The following CALN1 variants were observed in gnomAD, a reference collection of about 807,000 sequenced individuals.
CALN1 encodes calcium-binding protein 8.
Under a neutral mutation model 30.6 loss-of-function variants are expected in CALN1, and 17 were observed. The observed-to-expected ratio is 0.56, with a 90% CI of 0.38 to 0.83. CALN1 has a LOEUF of 0.83. Among genes scored for constraint, CALN1 ranks in the 40% least tolerant of loss-of-function variants. The pLI, the probability that CALN1 is intolerant of heterozygous loss-of-function variation, is 0.00. For synonymous variants in CALN1, 156 were observed against 131.4 expected (o/e 1.19, Z -1.28); for missense variants, 291 against 354.9 (o/e 0.82, Z 1.45).
chr7:71,976,676 A>G (rs970738882), intron 5 of CALN1, among the ~76,000 whole-genome samples: 3 of 152,228 alleles, frequency 2.0e-5, no homozygotes. Context: ...AAAGAGTTAA[A>G]AGAAACCAAA....
chr7:71,959,622 C>CT (rs11289767), intron 5 of CALN1, among the ~76,000 whole-genome samples: 5,621 of 144,354 alleles, frequency 0.039, 163 homozygotes, highest in African/African-American at 0.081. Flanking sequence ...ACCTTTCCAG[C>CT]TTTTTTTTTT....
At chr7:71,878,519 AACAT>A (rs1792382342) in intron 5 of CALN1, among the ~76,000 whole-genome samples, 1 of 152,138 alleles carries the variant, frequency 6.6e-6, no homozygotes, top group African/African-American at 2.4e-5. Flanking sequence ...CTTAAGAGGG[AACAT>A]CAGACCAGAC....
chr7:71,955,777 G>C (rs1394912240), intron 5 of CALN1, among the ~76,000 whole-genome samples: 1 of 151,952 alleles, frequency 6.6e-6, no homozygotes, highest in African/African-American at 2.4e-5. Flanking sequence ...AACATGACCT[G>C]ACTATGATGC....
At chr7:72,057,481 G>A (rs1803341172) in intron 4 of CALN1, among the ~76,000 whole-genome samples, 1 of 138,118 alleles carries the variant, frequency 7.2e-6, no homozygotes, top group Non-Finnish European at 1.5e-5. Flanking sequence ...GCATCATGCT[G>A]TTTATCATAA....
At chr7:72,410,893 C>G (rs1251540166) in intron 1 of CALN1, among the ~76,000 whole-genome samples, 5 of 152,122 alleles carry the variant, frequency 3.3e-5, no homozygotes, top group Non-Finnish European at 7.3e-5. Flanking sequence ...ACTATTAACA[C>G]TGTATTGTAG....
At chr7:72,002,591 A>G (rs1799581124) in intron 5 of CALN1, among the ~76,000 whole-genome samples, 1 of 152,192 alleles carries the variant, frequency 6.6e-6, no homozygotes, top group African/African-American at 2.4e-5. Flanking sequence ...TACAGATTGG[A>G]AAAGAAGGAA....
intron 2 of CALN1, among the ~76,000 whole-genome samples, chr7:72,337,959 C>G (rs994461305): frequency 1.3e-5 from 2 of 152,208 alleles, no homozygotes; most frequent in East Asian, 3.9e-4. Flanking sequence ...CCAGACAGAC[C>G]CCTGCCCCAG....
At position 72,106,298 on chromosome 7, in the gene CALN1, C is replaced by G; in HGVS notation, c.245-4G>C. 1 of 1,613,884 alleles carries G rather than the reference C, an allele frequency of 6.2e-7. No homozygotes were observed. Among genetic ancestry groups the G allele is most frequent in the Non-Finnish European group, 8.5e-7 (1 of 1,179,958 alleles). ...ACCCGAAAGGCCTCTCGGATTTCTACAATGGAAAAGCAAAGAAAGTCCAGT... is the reference window on the plus strand; with the variant it reads ...ACCCGAAAGGCCTCTCGGATTTCTAGAATGGAAAAGCAAAGAAAGTCCAGT... On this transcript the variant is annotated splice_polypyrimidine_tract_variant and splice_region_variant and intron_variant, in intron 3 of 6. Coordinates refer to ENST00000395275, the MANE Select transcript of CALN1 (RefSeq NM_031468.4).
the CALN1 span, among the ~76,000 whole-genome samples, chr7:72,501,950 CACACA>C: frequency 1.5e-5 from 1 of 68,290 alleles, no homozygotes; most frequent in African/African-American, 8.5e-5. Flanking sequence ...TATATATATA[CACACA>C]TATATATATA....
the CALN1 span, among the ~76,000 whole-genome samples, chr7:72,467,755 T>G: frequency 6.6e-6 from 1 of 152,158 alleles, no homozygotes; most frequent in African/African-American, 2.4e-5. Context: ...AAAATTCACA[T>G]GATGAAATTG....
chr7:72,392,635 T>C (rs1805649472), intron 2 of CALN1, among the ~76,000 whole-genome samples: 1 of 152,112 alleles, frequency 6.6e-6, no homozygotes, highest in African/African-American at 2.4e-5. Flanking sequence ...TATTGACTAA[T>C]CCTCTCCCTT....
chr7:72,036,685 TTCTA>T (rs1801817719), intron 4 of CALN1, among the ~76,000 whole-genome samples: 1 of 152,176 alleles, frequency 6.6e-6, no homozygotes, highest in Admixed American at 6.5e-5. Flanking sequence ...ATTTTAGGTT[TTCTA>T]TCTCTTTACT....
chr7:71,944,213 G>A (rs1281922519), intron 5 of CALN1, among the ~76,000 whole-genome samples: 1 of 152,182 alleles, frequency 6.6e-6, no homozygotes, highest in African/African-American at 2.4e-5. Flanking sequence ...CTGGGAGGCC[G>A]AGGTAGGTGG....
At chr7:72,487,414 G>T in the CALN1 span, among the ~76,000 whole-genome samples, 5 of 151,904 alleles carry the variant, frequency 3.3e-5, no homozygotes, top group African/African-American at 1.2e-4. Flanking sequence ...GGCCAGGTGC[G>T]GTGGCTCATG....
At chr7:71,816,215 A>AT (rs1344022143) in intron 5 of CALN1, among the ~76,000 whole-genome samples, 2 of 152,142 alleles carry the variant, frequency 1.3e-5, no homozygotes, top group African/African-American at 2.4e-5. Flanking sequence ...TAAAATCTAA[A>AT]TGATTCAAGT....
chr7:71,813,190 C>T (rs1788065887), intron 5 of CALN1, among the ~76,000 whole-genome samples: 2 of 32 alleles, frequency 0.062, no homozygotes, highest in African/African-American at 0.33. Flanking sequence ...GGATTATAGG[C>T]ATGTGCACCA....
intron 3 of CALN1, among the ~76,000 whole-genome samples, chr7:72,161,042 T>C (rs1213099391): frequency 6.6e-6 from 1 of 152,200 alleles, no homozygotes; most frequent in African/African-American, 2.4e-5. Context: ...CTTGTGCTTT[T>C]CTGATGAAAA....
intron 5 of CALN1, among the ~76,000 whole-genome samples, chr7:71,935,774 A>G (rs10487619): frequency 0.011 from 1,691 of 152,320 alleles, 11 homozygotes; most frequent in Non-Finnish European, 0.018. Flanking sequence ...CTGCCAGGGC[A>G]CTGCTTTTCA....
chr7:72,127,573 T>C (rs1174266648), intron 3 of CALN1, among the ~76,000 whole-genome samples: 1 of 152,030 alleles, frequency 6.6e-6, no homozygotes, highest in East Asian at 1.9e-4. Flanking sequence ...GGTCAACGTA[T>C]ATATGGGTTT....
Sources: allele counts gnomAD v4.1 joint callset (sites outside exome capture counted in the v4.1 genomes callset), GRCh38; gene constraint gnomAD v4.1.1; transcripts MANE v1.5; gene names NCBI Gene and HGNC (gene_info 2026-07-23, HGNC 2026-07-21).